PPFIA2: variants seen among roughly 807,000 people sequenced by gnomAD.
PPFIA2 encodes liprin-alpha-2.
Under a neutral mutation model 175.5 loss-of-function variants are expected in PPFIA2, and 46 were observed. The ratio of observed to expected loss-of-function variants is 0.26; its 90% confidence interval spans 0.21 to 0.34. The LOEUF is 0.34. PPFIA2 is among the 10% of genes least tolerant of loss of function. The probability of loss-of-function intolerance (pLI) is 1.00; values close to 1 mark genes in which losing one functional copy is unlikely to be tolerated. For missense variants in PPFIA2, 1,179 were observed against 1,506.1 expected (o/e 0.78, Z 3.60); for synonymous variants, 568 against 511.4 (o/e 1.11, Z -1.49).
intron 22 of PPFIA2, among the ~76,000 whole-genome samples, chr12:81,325,255 A>G (rs2054507475): frequency 6.6e-6 from 1 of 152,004 alleles, no homozygotes; most frequent in Non-Finnish European, 1.5e-5. Flanking sequence ...AAATTGGCCA[A>G]TTTTGCAAGT....
At chr12:81,461,946 G>A (rs2054608353) in intron 4 of PPFIA2, among the ~76,000 whole-genome samples, 1 of 151,762 alleles carries the variant, frequency 6.6e-6, no homozygotes, top group South Asian at 2.1e-4. Flanking sequence ...TTTAAGGCAA[G>A]GTTGTTAGAG....
intron 4 of PPFIA2, among the ~76,000 whole-genome samples, chr12:81,613,851 A>T (rs935114589): frequency 4.6e-5 from 7 of 152,238 alleles, no homozygotes; most frequent in Admixed American, 2.0e-4. Context: ...TTTAATATTA[A>T]TTATCTCATT....
Position 81,341,067 on chromosome 12 carries a change from C to T in PPFIA2, c.2393+11G>A, listed in dbSNP as rs1555285561. 1 of 1,605,760 alleles carries T rather than the reference C, an allele frequency of 6.2e-7. No individual in the cohort carries two copies. Among genetic ancestry groups the T allele is most frequent in the Non-Finnish European group, 8.5e-7 (1 of 1,173,806 alleles). ...GGGCATTCAGTGTGCAGTGTGCCTG[C>T]AGAGTCTTACCTTCGAGCATCATTG... On this transcript the variant is annotated intron_variant, in intron 20 of 32. Transcript: ENST00000549396.
chr12:81,685,881 A>G (rs1247819480), intron 3 of PPFIA2, among the ~76,000 whole-genome samples: 1 of 152,074 alleles, frequency 6.6e-6, no homozygotes, highest in East Asian at 1.9e-4. Flanking sequence ...TGAAACACAC[A>G]CCATGCTAAG....
intron 4 of PPFIA2, among the ~76,000 whole-genome samples, chr12:81,462,993 G>C (rs1249091591): frequency 6.6e-6 from 1 of 151,866 alleles, no homozygotes; most frequent in East Asian, 1.9e-4. Flanking sequence ...AACTAATATG[G>C]TATTTCTCTA....
At chr12:81,625,766 C>G (rs987083166) in intron 4 of PPFIA2, among the ~76,000 whole-genome samples, 1 of 149,996 alleles carries the variant, frequency 6.7e-6, no homozygotes, top group African/African-American at 2.4e-5. Flanking sequence ...CAACATTTTT[C>G]TAAACATTAT....
chr12:81,395,566 CT>C (rs2040972028), intron 8 of PPFIA2, among the ~76,000 whole-genome samples: 1 of 148,096 alleles, frequency 6.8e-6, no homozygotes. Context: ...CTCTCTCTCT[CT>C]GGAATTTCCT....
intron 4 of PPFIA2, among the ~76,000 whole-genome samples, chr12:81,462,587 T>C (rs1482442793): frequency 0.022 from 1,694 of 77,420 alleles, 19 homozygotes; most frequent in Non-Finnish European, 0.024. Context: ...TATATATACA[T>C]ATATATATAT....
Position 81,405,892 on chromosome 12 carries a change from C to A in PPFIA2, c.657G>T (p.Leu219Phe). 1.3e-6 allele frequency: 2 copies of A among 1,559,166 alleles called. No homozygotes were observed. Among genetic ancestry groups the A allele is most frequent in the Non-Finnish European group, 1.7e-6 (2 of 1,149,350 alleles). The change falls in exon 8 of 33, where the codon TTG (leucine) becomes TTT (phenylalanine). Residue 219 changes from leucine to phenylalanine, a missense_variant. By Grantham distance (22) the Leu-to-Phe change is conservative. This residue lies in a region of PPFIA2 where 226 missense variants were observed against 216.6 expected (regional missense o/e 1.04). Coordinates refer to ENST00000549396, the MANE Select transcript of PPFIA2 (RefSeq NM_003625.5). ...TTTGTATATGAACATTTTGTTCACG[C>A]AAGGCAACAATCTGCAAAATAAAAG... ...LAAANQEIVALREQNVHIQRK... is the reference protein window; with the variant it reads ...LAAANQEIVAFREQNVHIQRK...
At chr12:81,735,838 C>T (rs2081503595) in intron 3 of PPFIA2, among the ~76,000 whole-genome samples, 1 of 151,812 alleles carries the variant, frequency 6.6e-6, no homozygotes, top group Non-Finnish European at 1.5e-5. Context: ...GTTGAAAAGA[C>T]TATCTTCTCC....
At chr12:81,463,706 G>C (rs2055070053) in intron 4 of PPFIA2, among the ~76,000 whole-genome samples, 1 of 152,006 alleles carries the variant, frequency 6.6e-6, no homozygotes, top group Non-Finnish European at 1.5e-5. Flanking sequence ...GCAAGTTAAA[G>C]TCCCTGCTCT....
chr12:81,317,598 A>T (rs1444583544), intron 22 of PPFIA2, among the ~76,000 whole-genome samples: 1 of 151,634 alleles, frequency 6.6e-6, no homozygotes, highest in African/African-American at 2.4e-5. Context: ...GAGCAGAAGC[A>T]AAGAAGAAAC....
At chr12:81,661,330 C>T (rs1397519763) in intron 4 of PPFIA2, among the ~76,000 whole-genome samples, 4 of 152,012 alleles carry the variant, frequency 2.6e-5, no homozygotes, top group African/African-American at 9.7e-5. Context: ...CACACATAGG[C>T]TCAAAATAAA....
intron 4 of PPFIA2, among the ~76,000 whole-genome samples, chr12:81,557,286 A>G (rs2069064533): frequency 6.6e-6 from 1 of 151,888 alleles, no homozygotes; most frequent in Non-Finnish European, 1.5e-5. Context: ...AGTAATTTCT[A>G]AATAAATATT....
intron 4 of PPFIA2, among the ~76,000 whole-genome samples, chr12:81,637,787 T>G (rs1335592661): frequency 6.6e-6 from 1 of 152,168 alleles, no homozygotes; most frequent in South Asian, 2.1e-4. Context: ...AGTAGACATA[T>G]TTTTTCTTTG....
intron 16 of PPFIA2, 115 bp from the exon 17 acceptor site, chr12:81,353,454 TGA>T: frequency 1.5e-6 from 1 of 682,896 alleles, no homozygotes; most frequent in South Asian, 1.8e-5. Flanking sequence ...TTGCAAAAAC[TGA>T]ACCAATTATT....
At chr12:81,371,183 C>T (rs1021184493) in intron 11 of PPFIA2, among the ~76,000 whole-genome samples, 4 of 151,706 alleles carry the variant, frequency 2.6e-5, no homozygotes, top group African/African-American at 9.7e-5. Flanking sequence ...TTCCTTTCCT[C>T]CAAGTCGTCC....
chr12:81,759,064 C>T (rs926861218), intron 1 of PPFIA2: 8 of 152,286 alleles, frequency 5.3e-5, no homozygotes, highest in African/African-American at 1.7e-4. Flanking sequence ...CAGGTCTCCT[C>T]CTGGCCCCCA....
At chr12:81,597,939 A>G (rs1173923681) in intron 4 of PPFIA2, 2 of 1,534,282 alleles carry the variant, frequency 1.3e-6, no homozygotes, top group Non-Finnish European at 1.7e-6. Flanking sequence ...GAAGCCATTT[A>G]AAGCACACTT....
Sources: allele counts gnomAD v4.1 joint callset (sites outside exome capture counted in the v4.1 genomes callset), GRCh38; gene constraint gnomAD v4.1.1; regional missense constraint gnomAD v4.1.1; transcripts MANE v1.5; gene names NCBI Gene and HGNC (gene_info 2026-07-23, HGNC 2026-07-21).